PDE6C: variants seen among roughly 807,000 people sequenced by gnomAD.
PDE6C encodes phosphodiesterase 6C.
In PDE6C, 75 loss-of-function variants were observed where a neutral mutation model predicts 113.1. That is an observed-to-expected ratio of 0.66 (90% CI 0.55 to 0.80). The LOEUF (loss-of-function observed/expected upper bound fraction) is 0.80. Ranked by LOEUF, PDE6C falls within the 30% of genes least tolerant of loss-of-function variation. The pLI is 0.00. For missense variants in PDE6C, 912 were observed against 1,038.6 expected (o/e 0.88, Z 1.67); for synonymous variants, 375 against 363.7 (o/e 1.03, Z -0.35).
rs762913475 is a variant in PDE6C, at chr10:93,646,052, G to C, written c.1935+5G>C. 6.6e-7 allele frequency: 1 copy of C among 1,506,208 alleles called. No homozygotes were observed. The highest frequency in any genetic ancestry group is 1.1e-5 in the South Asian group (1 of 89,022). 93.3% of individuals were successfully genotyped at this position (1,506,208 alleles called of 1,614,324 possible). ...AAGACTCTGTTGCAGGATGAGGTAC[G>C]TAAACCTCTCTTTAGGACAGCTAAA... On this transcript the variant is annotated splice_donor_5th_base_variant and intron_variant, in intron 15 of 21. Transcript: ENST00000371447.
intron 18 of PDE6C, among the ~76,000 whole-genome samples, chr10:93,660,323 T>C (rs1034183412): frequency 1.3e-5 from 2 of 152,210 alleles, no homozygotes; most frequent in Admixed American, 6.5e-5. Context: ...TGTTTTATGC[T>C]AGGTTGGATG....
At chr10:93,631,454 G>T (rs2058501121) in intron 8 of PDE6C, among the ~76,000 whole-genome samples, 2 of 152,206 alleles carry the variant, frequency 1.3e-5, no homozygotes, top group Non-Finnish European at 2.9e-5. Context: ...CCCTAGGAAT[G>T]CCTAACAGCT....
chr10:93,613,173 A>G lies in PDE6C; in HGVS notation c.448A>G (p.Lys150Glu). The change falls in exon 1 of 22, where the codon AAG (lysine) becomes GAG (glutamate). Residue 150 changes from lysine to glutamate, a missense_variant. Lys to Glu is a moderately conservative substitution (Grantham distance 56). Transcript: ENST00000371447. ...GATAGTGGGTTGGGCTGCTCACACG[A>G]AGAAAACTCATAATGTCCCAGATGT... ...IGIVGWAAHT[K>E]KTHNVPDVKK... 1 of 1,613,872 alleles carries G rather than the reference A, an allele frequency of 6.2e-7. No homozygotes were observed. The highest frequency in any genetic ancestry group is 8.5e-7 in the Non-Finnish European group (1 of 1,180,030).
intron 13 of PDE6C, 61 bp from the exon 14 acceptor site, chr10:93,640,859 G>A: frequency 1.9e-6 from 2 of 1,075,660 alleles, no homozygotes; most frequent in Non-Finnish European, 2.8e-6. Context: ...GGCTGCACTT[G>A]GTATAGAGGT....
chr10:93,647,888 G>C (rs12264082), intron 15 of PDE6C, among the ~76,000 whole-genome samples: 13,973 of 152,246 alleles, frequency 0.092, 961 homozygotes, highest in African/African-American at 0.19. Context: ...GAATGTAAGA[G>C]TAAATTGTTA....
intron 1 of PDE6C, among the ~76,000 whole-genome samples, chr10:93,617,471 T>C (rs1189311420): frequency 3.9e-5 from 6 of 152,284 alleles, no homozygotes; most frequent in Admixed American, 6.5e-5. Context: ...GAGTGAAATG[T>C]GTTTGCAAAG....
rs758865018 is a variant in PDE6C at position 93,659,085 on chromosome 10, T to G, written c.2145-19T>G. 2 of 1,604,066 alleles carry G rather than the reference T, an allele frequency of 1.2e-6. No homozygotes were observed. The highest frequency in any genetic ancestry group is 1.3e-5 in the African/African-American group (1 of 74,670). ...TTTGTACTTATTTCTATTTTAAAAT[T>G]TTTTGTTTTCTTCCTAAGGGCAATG... On this transcript the variant is annotated intron_variant, in intron 17 of 21. Coordinates refer to ENST00000371447, the MANE Select transcript of PDE6C (RefSeq NM_006204.4).
intron 1 of PDE6C, 53 bp downstream of exon 1, chr10:93,613,258 C>A (rs1445093376): frequency 1.8e-5 from 29 of 1,609,110 alleles, no homozygotes; most frequent in Non-Finnish European, 2.3e-5. Flanking sequence ...CAGGGAGGAA[C>A]AAATGGGAAA....
chr10:93,624,528 G>A (rs1319338986), intron 4 of PDE6C, among the ~76,000 whole-genome samples: 6 of 152,136 alleles, frequency 3.9e-5, no homozygotes, highest in South Asian at 2.1e-4. Flanking sequence ...ATGAGCCACC[G>A]CACCTGGCCT....
At chr10:93,622,775 T>A (rs1046494113) in intron 4 of PDE6C, among the ~76,000 whole-genome samples, 1 of 151,972 alleles carries the variant, frequency 6.6e-6, no homozygotes, top group African/African-American at 2.4e-5. Flanking sequence ...GAAATATGCA[T>A]TTAAGTTTCC....
intron 7 of PDE6C, 114 bp downstream of exon 7, chr10:93,626,985 G>A (rs879643364): frequency 6.3e-5 from 58 of 914,976 alleles, no homozygotes; most frequent in Middle Eastern, 2.9e-4. Flanking sequence ...TAGATGGGCC[G>A]GGCGCGGTGG....
At chr10:93,643,904 T>C (rs2058571168) in intron 14 of PDE6C, among the ~76,000 whole-genome samples, 3 of 152,294 alleles carry the variant, frequency 2.0e-5, no homozygotes, top group Admixed American at 6.5e-5. Flanking sequence ...AATAATGTCC[T>C]TTATAGCTAT....
In PDE6C at chr10:93,640,528, G is replaced by A. The variant is rs1013418869; in HGVS notation, c.1708G>A (p.Val570Met). 4 of 1,613,220 alleles carry A rather than the reference G, an allele frequency of 2.5e-6. No homozygotes were observed. Among genetic ancestry groups the A allele is most frequent in the South Asian group, 1.1e-5 (1 of 91,060 alleles). Residue 570 changes from valine to methionine, a missense_variant, in exon 13 of 22, where the codon GTG (valine) becomes ATG (methionine). Physicochemically the swap from Val to Met is conservative, Grantham distance 21. Coordinates refer to ENST00000371447, the MANE Select transcript of PDE6C (RefSeq NM_006204.4). ...CCACAATTGGCGGCATGGGTTCAAC[G>A]TGGGGCAGACCATGTTTACTTTGCT... The part of the protein sequence containing the change: ...TYHNWRHGFN[V>M]GQTMFTLLMT...
intron 15 of PDE6C, 108 bp from the exon 16 acceptor site, chr10:93,655,652 A>AAAAAAAAAGTGTTGAAAG: frequency 1.5e-6 from 1 of 680,440 alleles, no homozygotes; most frequent in East Asian, 2.6e-5. Flanking sequence ...AAAAAAAACA[A>AAAAAAAAAGTGTTGAAAG]ACAAAAAAGT....
intron 15 of PDE6C, among the ~76,000 whole-genome samples, chr10:93,654,811 T>TTTCTTTTC (rs750357715): frequency 1.5e-5 from 1 of 68,212 alleles, no homozygotes; most frequent in African/African-American, 3.8e-5. Flanking sequence ...TCTTTCTTTC[T>TTTCTTTTC]TTTTTTTTTT....
intron 3 of PDE6C, 58 bp from the exon 4 acceptor site, chr10:93,621,874 T>G: frequency 6.7e-7 from 1 of 1,493,010 alleles, no homozygotes; most frequent in African/African-American, 1.4e-5. Context: ...TGGTGAATGC[T>G]CTATCTCTCC....
Position 93,612,905 on chromosome 10 carries a change from C to G in PDE6C, c.180C>G (p.Ala60=), listed in dbSNP as rs1191564784. ...AGCTGACCCAGGTGGAGGAGTCAGC[C>G]CTGTGCTTGGAGCTGCTGTGGACCG... ...FSELTQVEES[A]LCLELLWTVQ... The change falls in exon 1 of 22, where the codon GCC becomes GCG. Residue 60 remains alanine, a synonymous_variant. Transcript: ENST00000371447. The G allele has an allele frequency of 6.2e-6, 10 of 1,613,888 alleles. No individual in the cohort carries two copies. Among genetic ancestry groups the G allele is most frequent in the African/African-American group, 2.7e-5 (2 of 74,912 alleles).
chr10:93,637,617 G>T (rs1206729550), intron 11 of PDE6C, among the ~76,000 whole-genome samples: 1 of 152,168 alleles, frequency 6.6e-6, no homozygotes, highest in East Asian at 1.9e-4. Flanking sequence ...TAATTTCAGA[G>T]ATTTTTTTCA....
chr10:93,659,795 C>A (rs886087005), intron 18 of PDE6C, among the ~76,000 whole-genome samples: 5 of 152,152 alleles, frequency 3.3e-5, no homozygotes, highest in African/African-American at 1.2e-4. Flanking sequence ...GGGGACATAG[C>A]CAAACTATAT....
Sources: gnomAD v4.1 joint callset for allele counts (sites outside exome capture counted in the v4.1 genomes callset) on GRCh38, gnomAD v4.1.1 for gene constraint, MANE v1.5 for transcripts, NCBI Gene and HGNC (gene_info 2026-07-23, HGNC 2026-07-21) for gene names.